The following CPS1 variants were observed in gnomAD, a reference collection of about 807,000 sequenced individuals.
CPS1 encodes carbamoyl-phosphate synthase 1, also known as carbamoyl-phosphate synthase [ammonia], mitochondrial.
Under a neutral mutation model 174.6 loss-of-function variants are expected in CPS1, and 109 were observed. The ratio of observed to expected loss-of-function variants is 0.62; its 90% CI spans 0.53 to 0.73. The LOEUF (loss-of-function observed/expected upper bound fraction) is 0.73. CPS1 is among the 30% of genes least tolerant of loss of function. The pLI is 0.00. For synonymous variants in CPS1, 637 were observed against 632.0 expected (o/e 1.01, Z -0.12); for missense variants, 1,689 against 1,821.9 (o/e 0.93, Z 1.33).
chr2:210,526,389 A>G lies in CPS1; in HGVS notation c.4-30330A>G, dbSNP rs1475715154. On this transcript the variant is annotated intron_variant, in intron 1 of 38. Transcript: ENST00000430249. ...CAGACCTTAAAATATATTAAAAAAA[A>G]AAAAGAATGAGTTTTATAAATAGGC... Among the ~76,000 whole-genome samples, 7 of 152,098 alleles carry G rather than the reference A, an allele frequency of 4.6e-5. No homozygotes were observed. In the East Asian group the frequency reaches 1.4e-3, roughly 29 times the overall value.
In CPS1 at chr2:210,606,939, T is replaced by G. The variant is rs1313625122; in HGVS notation, c.2190T>G (p.Thr730=). The G allele has an allele frequency of 6.2e-7, 1 of 1,611,500 alleles. No homozygotes were observed. The highest frequency in any genetic ancestry group is 2.2e-5 in the East Asian group (1 of 44,774). ...GCTCTGCTCTGGCCTCAAAAGCCAC[T>G]GGGTAAGACCAGAATAATTGACCAT... ...SRSSALASKA[T]GYPLAFIAAK... Residue 730 remains threonine (T), a splice_region_variant and synonymous_variant, in exon 18 of 38, where the codon ACT becomes ACG. Coordinates refer to ENST00000233072, the MANE Select transcript of CPS1 (RefSeq NM_001875.5).
At chr2:210,497,552 C>T (rs1695020982) in intron 1 of CPS1, among the ~76,000 whole-genome samples, 1 of 151,980 alleles carries the variant, frequency 6.6e-6, no homozygotes, top group Admixed American at 6.6e-5. Context: ...ACCTCTCTCC[C>T]CACTCCAACA....
At chr2:210,587,364 T>C (rs1698144124) in intron 6 of CPS1, among the ~76,000 whole-genome samples, 1 of 152,186 alleles carries the variant, frequency 6.6e-6, no homozygotes, top group South Asian at 2.1e-4. Flanking sequence ...CTATTATTTC[T>C]CCTTTTATGA....
chr2:210,620,276 T>C (rs1054074618), intron 21 of CPS1, among the ~76,000 whole-genome samples: 3 of 152,174 alleles, frequency 2.0e-5, no homozygotes, highest in Middle Eastern at 3.4e-3. Context: ...AAAACAATGA[T>C]TGTAACTAGG....
In CPS1 at chr2:210,616,561, A is replaced by C. The variant is rs1559108971; in HGVS notation, c.2687+20A>C. 95 of 1,415,892 alleles carry C rather than the reference A, an allele frequency of 6.7e-5. No homozygotes were observed. The highest frequency in any genetic ancestry group is 8.7e-5 in the Non-Finnish European group (87 of 1,001,122). The allele number at this position is 1,415,892 out of a possible 1,614,324, so 87.7% of individuals were successfully genotyped here. ...CAACAGGTAAGGCAGTGCTGCTCTC[A>C]TTCATGCCAGACACCTTCAGTGCAA... On this transcript the variant is annotated intron_variant, in intron 21 of 37. Transcript: ENST00000233072.
chr2:210,505,454 C>T (rs556238261), intron 1 of CPS1, among the ~76,000 whole-genome samples: 21 of 152,200 alleles, frequency 1.4e-4, no homozygotes, highest in Admixed American at 5.2e-4. Flanking sequence ...CTACTGCTCC[C>T]GGCGTGAGCG....
In CPS1 at chr2:210,677,894, A is replaced by G. The variant is rs762221038; in HGVS notation, c.4412A>G (p.Lys1471Arg). Residue 1471 changes from lysine (K) to arginine (R), a missense_variant, in exon 38 of 38, where the codon AAA becomes AGA. By Grantham distance (26) the Lys-to-Arg change is conservative. Coordinates refer to ENST00000233072, the MANE Select transcript of CPS1 (RefSeq NM_001875.5). ...CTACCATTATATTTTCAGGTGACCAAACTTTTTGCTGAAGCTGTGCAGAAA... is the reference window on the plus strand; with the variant it reads ...CTACCATTATATTTTCAGGTGACCAGACTTTTTGCTGAAGCTGTGCAGAAA... ...IPLLTNFQVT[K>R]LFAEAVQKSR... is the part of the protein sequence containing the mutation. 5 of 1,613,872 alleles carry G rather than the reference A, an allele frequency of 3.1e-6. No individual in the cohort carries two copies. Among genetic ancestry groups the G allele is most frequent in the Admixed American group, 1.7e-5 (1 of 60,012 alleles).
chr2:210,674,862 T>C, intron 34 of CPS1, 40 bp from the exon 35 acceptor site: 1 of 1,492,230 alleles, frequency 6.7e-7, no homozygotes, highest in Non-Finnish European at 9.4e-7. Context: ...ATGAAGAGCA[T>C]GTATATCTAG....
chr2:210,477,710 A>C, exon 1 of CPS1: 1 of 1,608,996 alleles, frequency 6.2e-7, no homozygotes, highest in Non-Finnish European at 8.5e-7. Flanking sequence ...CTTTCTTAGG[A>C]AATGTAGTTG....
chr2:210,665,407 G>A lies in CPS1; in HGVS notation c.4002+2210G>A, dbSNP rs1036058500. 5.3e-5 allele frequency among the ~76,000 whole-genome samples: 8 copies of A among 150,768 alleles called. 1 individual carries two copies. The highest frequency in any genetic ancestry group is 1.0e-4 in the Non-Finnish European group (7 of 67,822). On this transcript the variant is annotated intron_variant, in intron 33 of 37. Coordinates refer to ENST00000233072, the MANE Select transcript of CPS1 (RefSeq NM_001875.5). ...AGTTACATATGTATACATGTGCCAT[G>A]CTGGTGTGCTGCAGCCATTAACTCA...
chr2:210,488,265 T>TATA (rs1403934048), intron 1 of CPS1, among the ~76,000 whole-genome samples: 1 of 152,122 alleles, frequency 6.6e-6, no homozygotes, highest in Non-Finnish European at 1.5e-5. Flanking sequence ...AGATCATGTG[T>TATA]ATAATATTCC....
At chr2:210,671,694 G>T (rs963059913) in intron 34 of CPS1, 5 of 152,134 alleles carry the variant, frequency 3.3e-5, no homozygotes, top group African/African-American at 1.2e-4. Flanking sequence ...AGTTTATAAT[G>T]TGCCTATGGA....
chr2:210,587,795 A>G (rs1698157667), intron 6 of CPS1, among the ~76,000 whole-genome samples: 1 of 152,130 alleles, frequency 6.6e-6, no homozygotes, highest in Non-Finnish European at 1.5e-5. Context: ...GCATGCAACC[A>G]GTTTCTTAGA....
intron 1 of CPS1, among the ~76,000 whole-genome samples, chr2:210,495,071 T>C (rs1046287506): frequency 2.6e-5 from 4 of 152,212 alleles, no homozygotes; most frequent in Non-Finnish European, 5.9e-5. Flanking sequence ...TTGAAAATCA[T>C]TGGTAAAATG....
chr2:210,524,179 A>G (rs972285670), intron 1 of CPS1, among the ~76,000 whole-genome samples: 1 of 151,908 alleles, frequency 6.6e-6, no homozygotes, highest in African/African-American at 2.4e-5. Flanking sequence ...GAGCCCTCTT[A>G]TGGGTCTCTG....
At chr2:210,537,920 G>A (rs79028172) in intron 1 of CPS1, among the ~76,000 whole-genome samples, 4,597 of 152,236 alleles carry the variant, frequency 0.03, 395 homozygotes, top group East Asian at 0.21. Context: ...TTAAATATAT[G>A]TATTTGTATA....
chr2:210,647,576 C>A (rs1314688958), intron 25 of CPS1, among the ~76,000 whole-genome samples: 1 of 152,200 alleles, frequency 6.6e-6, no homozygotes, highest in Non-Finnish European at 1.5e-5. Context: ...GCATAGAGTA[C>A]ATAGCAAACA....
chr2:210,536,732 A>G (rs1431247761), intron 1 of CPS1, among the ~76,000 whole-genome samples: 3 of 152,210 alleles, frequency 2.0e-5, no homozygotes, highest in African/African-American at 4.8e-5. Flanking sequence ...GTGGATATTT[A>G]CTGTCATAAA....
Position 210,639,029 on chromosome 2 carries a change from T to C in CPS1, c.2830-121T>C, listed in dbSNP as rs1249624978. 4.0e-6 allele frequency: 3 copies of C among 748,174 alleles called. No individual in the cohort carries two copies. The East Asian group carries it at 8.3e-5, about 21-fold the overall frequency. 46.3% of individuals were successfully genotyped at this position (748,174 alleles called of 1,614,324 possible). Reference sequence around the variant, plus strand: ...CAATTCCACGGGTCATACATTTTCCTGTTTGCATACTTTACAGTAATAGGA... The same window carrying C: ...CAATTCCACGGGTCATACATTTTCCCGTTTGCATACTTTACAGTAATAGGA... On this transcript the variant is annotated intron_variant, in intron 22 of 37. Transcript: ENST00000233072.
Sources: allele counts gnomAD v4.1 joint callset (sites outside exome capture counted in the v4.1 genomes callset), GRCh38; gene constraint gnomAD v4.1.1; transcripts MANE v1.5; gene names NCBI Gene and HGNC (gene_info 2026-07-23, HGNC 2026-07-21).